Variants in DGKI observed in about 807,000 individuals in gnomAD.
The protein encoded by DGKI is DAG kinase iota.
DGKI carries 55 observed loss-of-function variants against 147.5 expected under a neutral mutation model. The ratio of observed to expected loss-of-function variants is 0.37; its 90% CI spans 0.30 to 0.47. The LOEUF (loss-of-function observed/expected upper bound fraction) is 0.47. Ranked by LOEUF, DGKI falls within the 20% of genes least tolerant of loss-of-function variation. DGKI has a pLI of 1.00. For missense variants in DGKI, 1,007 were observed against 1,323.8 expected (o/e 0.76, Z 3.71); for synonymous variants, 469 against 477.1 (o/e 0.98, Z 0.22).
intron 28 of DGKI, 36 bp from the exon 29 acceptor site, chr7:137,412,243 A>G (rs1812191121): frequency 1.3e-6 from 2 of 1,588,908 alleles, no homozygotes; most frequent in Non-Finnish European, 1.7e-6. Flanking sequence ...CCATTAGTAG[A>G]AGACCCTCTT....
chr7:137,796,101 A>C (rs367769118), intron 1 of DGKI, among the ~76,000 whole-genome samples: 1 of 152,250 alleles, frequency 6.6e-6, no homozygotes, highest in Non-Finnish European at 1.5e-5. Context: ...AATAAGATAC[A>C]TAGTAAAATA....
intron 5 of DGKI, among the ~76,000 whole-genome samples, chr7:137,649,812 C>T (rs28625107): frequency 0.095 from 14,157 of 148,902 alleles, 1,923 homozygotes; most frequent in African/African-American, 0.3. Flanking sequence ...TTTGAAAGGA[C>T]CTTAGAAATC....
chr7:137,631,916 G>A (rs1429181080), intron 6 of DGKI, among the ~76,000 whole-genome samples: 1 of 152,182 alleles, frequency 6.6e-6, no homozygotes, highest in African/African-American at 2.4e-5. Flanking sequence ...AAAGCAATAA[G>A]AAATGTGCTG....
chr7:137,678,367 C>A (rs555935098), intron 3 of DGKI, among the ~76,000 whole-genome samples, 190 bp downstream of exon 3: 2 of 152,318 alleles, frequency 1.3e-5, no homozygotes, highest in Non-Finnish European at 2.9e-5. Flanking sequence ...ACCCTAAAAC[C>A]ATTACGAGCG....
intron 28 of DGKI, among the ~76,000 whole-genome samples, chr7:137,422,629 G>A (rs1192941810): frequency 1.1e-5 from 1 of 88,930 alleles, no homozygotes; most frequent in Non-Finnish European, 2.1e-5. Flanking sequence ...TTTTGAGATG[G>A]AGTCTTGCAC....
chr7:137,628,257 CA>C (rs1209234309), intron 6 of DGKI, among the ~76,000 whole-genome samples: 1 of 152,154 alleles, frequency 6.6e-6, no homozygotes, highest in Non-Finnish European at 1.5e-5. Flanking sequence ...TAGAAACAAA[CA>C]ATAAGGCCAA....
chr7:137,792,744 A>G (rs1796893478), intron 1 of DGKI, among the ~76,000 whole-genome samples: 1 of 152,166 alleles, frequency 6.6e-6, no homozygotes, highest in African/African-American at 2.4e-5. Context: ...ATTAGTTCAC[A>G]TGGGAGCTGG....
At chr7:137,430,848 G>T (rs1287598840) in intron 28 of DGKI, among the ~76,000 whole-genome samples, 1 of 152,078 alleles carries the variant, frequency 6.6e-6, no homozygotes, top group East Asian at 1.9e-4. Context: ...GGAGGAGTGT[G>T]TCAGGAATAG....
intron 1 of DGKI, among the ~76,000 whole-genome samples, chr7:137,744,565 C>T (rs770877662): frequency 6.6e-6 from 1 of 152,022 alleles, no homozygotes; most frequent in Non-Finnish European, 1.5e-5. Context: ...CATCCTGATA[C>T]CAAAATCTGA....
chr7:137,585,678 T>C lies in DGKI; in HGVS notation c.1426-332A>G, dbSNP rs1165648656. Among the ~76,000 whole-genome samples the C allele has an allele frequency of 4.6e-5, 7 of 152,138 alleles. No individual in the cohort carries two copies. In the East Asian group the frequency reaches 1.3e-3, roughly 29 times the overall value. On this transcript the variant is annotated intron_variant, in intron 13 of 32. Coordinates refer to ENST00000614521, the MANE Select transcript of DGKI (RefSeq NM_001321708.2). ...AAACAGGACTCCCCATGGCTCTCAC[T>C]GGAGGAATTTGGGGGAAACACAAAA...
intron 28 of DGKI, among the ~76,000 whole-genome samples, chr7:137,436,424 C>A (rs1813288855): frequency 6.6e-6 from 1 of 152,028 alleles, no homozygotes; most frequent in Non-Finnish European, 1.5e-5. Context: ...TCCTATTACA[C>A]CAGCTCAAAT....
intron 1 of DGKI, among the ~76,000 whole-genome samples, chr7:137,834,967 G>A (rs1325124146): frequency 1.3e-5 from 2 of 152,124 alleles, no homozygotes. Context: ...GTCCTCCTCT[G>A]CACTCAGATC....
At chr7:137,471,517 C>T in intron 23 of DGKI, among the ~76,000 whole-genome samples, 1 of 152,178 alleles carries the variant, frequency 6.6e-6, no homozygotes, top group African/African-American at 2.4e-5. Context: ...TCAAAGTGTG[C>T]ATCAGCTAGA....
rs754435999 is a variant in DGKI, at chr7:137,469,561, C to T, written c.2432G>A (p.Cys811Tyr). The change falls in exon 24 of 33, where the codon TGC becomes TAC. Residue 811 changes from cysteine (C) to tyrosine (Y), a missense_variant. This residue lies in a region of DGKI where 385 missense variants were observed against 445.2 expected (regional missense o/e 0.86). Transcript: ENST00000614521. ...LSAQRLSPRWCFLDATSADRF... is the reference protein window; with the variant it reads ...LSAQRLSPRWYFLDATSADRF... ...AAGGCAGAACTCACCATCTAGGAAG[C>T]ACCACCGAGGAGAGAGCCTCTGTGC... 1.9e-6 allele frequency: 3 copies of T among 1,613,786 alleles called. No individual in the cohort carries two copies. The highest frequency in any genetic ancestry group is 1.7e-5 in the Admixed American group (1 of 59,992).
chr7:137,417,905 T>C (rs1278716870), intron 28 of DGKI, among the ~76,000 whole-genome samples: 1 of 152,212 alleles, frequency 6.6e-6, no homozygotes, highest in Non-Finnish European at 1.5e-5. Context: ...TGCTAGCACC[T>C]TGATCTTGGT....
chr7:137,735,479 T>C (rs917834175), intron 1 of DGKI, among the ~76,000 whole-genome samples: 1 of 152,134 alleles, frequency 6.6e-6, no homozygotes, highest in Non-Finnish European at 1.5e-5. Flanking sequence ...ACCCTGAAGA[T>C]ACTGGTGTAC....
At chr7:137,815,440 C>T (rs1797710527) in intron 1 of DGKI, among the ~76,000 whole-genome samples, 2 of 120,058 alleles carry the variant, frequency 1.7e-5, no homozygotes, top group South Asian at 5.2e-4. Flanking sequence ...ATAGAAAAAA[C>T]AACAGAAAAG....
intron 6 of DGKI, among the ~76,000 whole-genome samples, chr7:137,639,309 A>G (rs1458779310): frequency 6.6e-6 from 1 of 152,194 alleles, no homozygotes; most frequent in Non-Finnish European, 1.5e-5. Context: ...GAGGGTAAAT[A>G]TGTAGAAGCA....
intron 1 of DGKI, among the ~76,000 whole-genome samples, chr7:137,774,176 C>G (rs183608629): frequency 3.4e-3 from 517 of 151,972 alleles, no homozygotes; most frequent in Non-Finnish European, 5.6e-3. Flanking sequence ...TAAAATATAA[C>G]AGATTCAGGA....
Sources: allele counts gnomAD v4.1 joint callset (sites outside exome capture counted in the v4.1 genomes callset), GRCh38; gene constraint gnomAD v4.1.1; regional missense constraint gnomAD v4.1.1; transcripts MANE v1.5; gene names NCBI Gene and HGNC (gene_info 2026-07-23, HGNC 2026-07-21).